The following VWC2L variants were observed in gnomAD, a reference collection of about 807,000 sequenced individuals.
VWC2L encodes von Willebrand factor C domain-containing protein 2-like.
VWC2L carries 10 observed loss-of-function variants against 21.6 expected under a neutral mutation model. The ratio of observed to expected loss-of-function variants is 0.46; its 90% CI spans 0.29 to 0.78. The LOEUF (loss-of-function observed/expected upper bound fraction) is 0.78. VWC2L is among the 30% of genes least tolerant of loss of function. The pLI is 0.10. For missense variants in VWC2L, 209 were observed against 277.1 expected (o/e 0.75, Z 1.74); for synonymous variants, 96 against 94.3 (o/e 1.02, Z -0.10).
chr2:214,445,880 A>C (rs867796960), intron 3 of VWC2L, among the ~76,000 whole-genome samples: 1 of 152,140 alleles, frequency 6.6e-6, no homozygotes, highest in African/African-American at 2.4e-5. Context: ...TTTGTACTCT[A>C]TCAACTAATT....
intron 2 of VWC2L, among the ~76,000 whole-genome samples, chr2:214,416,597 T>A (rs976655051): frequency 6.6e-6 from 1 of 152,078 alleles, no homozygotes; most frequent in Non-Finnish European, 1.5e-5. Flanking sequence ...AATTGTCAAG[T>A]TATTTATCTT....
At chr2:214,474,634 G>A (rs1485242038) in intron 3 of VWC2L, among the ~76,000 whole-genome samples, 2 of 152,080 alleles carry the variant, frequency 1.3e-5, no homozygotes, top group Non-Finnish European at 2.9e-5. Context: ...GTGGCTTTGA[G>A]CAGGGCCTGT....
chr2:214,572,854 C>A (rs1690172655), intron 3 of VWC2L, among the ~76,000 whole-genome samples: 1 of 152,088 alleles, frequency 6.6e-6, no homozygotes, highest in South Asian at 2.1e-4. Flanking sequence ...TACCTCTGGC[C>A]ATCAGGTAGA....
intron 3 of VWC2L, among the ~76,000 whole-genome samples, chr2:214,501,032 G>C (rs762905139): frequency 5.9e-5 from 9 of 152,280 alleles, no homozygotes; most frequent in South Asian, 2.1e-4. Flanking sequence ...CACAGTAGCA[G>C]ACAGAAGCAA....
intron 3 of VWC2L, among the ~76,000 whole-genome samples, chr2:214,459,338 A>G (rs2126187858): frequency 6.6e-6 from 1 of 152,322 alleles, no homozygotes; most frequent in South Asian, 2.1e-4. Context: ...GGCAGCACAT[A>G]GTCTGATCAC....
intron 3 of VWC2L, among the ~76,000 whole-genome samples, chr2:214,515,859 G>A (rs1241985958): frequency 6.6e-6 from 1 of 152,164 alleles, no homozygotes. Context: ...ATTACAGTGA[G>A]CCACCGTGCC....
chr2:214,480,864 C>CAAAAA lies in VWC2L; in HGVS notation c.520+44126_520+44130dup, dbSNP rs59720596. On this transcript the variant is annotated intron_variant, in intron 3 of 3. Transcript: ENST00000312504. ...TTATTCAGAGGTCCATATGCCAAGC[C>CAAAAA]AAAAAAAAAAAAAAAAAAAAAAAAG... Among the ~76,000 whole-genome samples, 223 of 71,692 alleles carry CAAAAA rather than the reference C, an allele frequency of 3.1e-3. 3 individuals are homozygous for CAAAAA. Among genetic ancestry groups the CAAAAA allele is most frequent in the African/African-American group, 0.011 (206 of 18,384 alleles). 47.0% of individuals were successfully genotyped at this position (71,692 alleles called of 152,430 possible). A position where few individuals can be genotyped will look rare whatever the true frequency, so the allele number is the denominator to read the frequency against.
At chr2:214,462,487 G>A (rs765089901) in intron 3 of VWC2L, among the ~76,000 whole-genome samples, 2 of 152,226 alleles carry the variant, frequency 1.3e-5, no homozygotes, top group East Asian at 1.9e-4. Context: ...TTGCAGTATC[G>A]GTTCTTTGTG....
chr2:214,463,641 T>C (rs1703174166), intron 3 of VWC2L, among the ~76,000 whole-genome samples: 1 of 152,132 alleles, frequency 6.6e-6, no homozygotes, highest in African/African-American at 2.4e-5. Context: ...TTTAAAAAAT[T>C]AACTGAATAT....
At chr2:214,510,483 GACAAGGT>G (rs949726960) in intron 3 of VWC2L, among the ~76,000 whole-genome samples, 5 of 152,046 alleles carry the variant, frequency 3.3e-5, no homozygotes, top group African/African-American at 1.2e-4. Context: ...GTGAAAAACC[GACAAGGT>G]ACTTTGTGGT....
chr2:214,450,160 T>C (rs2126184231), intron 3 of VWC2L, among the ~76,000 whole-genome samples: 1 of 152,254 alleles, frequency 6.6e-6, no homozygotes, highest in East Asian at 1.9e-4. Context: ...AAGATGACAA[T>C]GACAAGGAAC....
chr2:214,423,704 T>A (rs1296245290), intron 2 of VWC2L, among the ~76,000 whole-genome samples: 6 of 152,106 alleles, frequency 3.9e-5, no homozygotes, highest in Non-Finnish European at 8.8e-5. Flanking sequence ...CCAAAGGCTG[T>A]AATAAAAATG....
At chr2:214,491,698 G>C (rs541458631) in intron 3 of VWC2L, among the ~76,000 whole-genome samples, 3 of 152,082 alleles carry the variant, frequency 2.0e-5, no homozygotes, top group African/African-American at 7.2e-5. Flanking sequence ...TAGAAGAAAG[G>C]AGAGAACACT....
At chr2:214,538,581 G>A (rs946254183) in intron 3 of VWC2L, among the ~76,000 whole-genome samples, 4 of 127,062 alleles carry the variant, frequency 3.1e-5, no homozygotes, top group Non-Finnish European at 6.6e-5. Context: ...GATTCTCCAA[G>A]TTTATAGTAT....
chr2:214,517,482 A>C (rs1249369764), intron 3 of VWC2L, among the ~76,000 whole-genome samples: 1 of 152,158 alleles, frequency 6.6e-6, no homozygotes, highest in East Asian at 1.9e-4. Context: ...AAGTAAATTA[A>C]CATCTCTAGG....
intron 3 of VWC2L, chr2:214,472,365 TACA>T (rs1187074266): frequency 6.6e-6 from 1 of 152,170 alleles, no homozygotes; most frequent in Non-Finnish European, 1.5e-5. Flanking sequence ...GTGTCAAAAC[TACA>T]ACATTTTTCA....
intron 3 of VWC2L, among the ~76,000 whole-genome samples, chr2:214,483,844 G>C (rs1486457985): frequency 6.6e-6 from 1 of 152,108 alleles, no homozygotes; most frequent in Non-Finnish European, 1.5e-5. Context: ...GGATTGGATT[G>C]GTTTTCTAGG....
At chr2:214,539,346 C>A (rs2105920149) in intron 3 of VWC2L, among the ~76,000 whole-genome samples, 1 of 152,230 alleles carries the variant, frequency 6.6e-6, no homozygotes, top group East Asian at 1.9e-4. Context: ...GATTTCATTC[C>A]TTTTTCCAAA....
chr2:214,436,774 A>C lies in VWC2L; in HGVS notation c.520+16A>C. 6.2e-7 allele frequency: 1 copy of C among 1,612,548 alleles called. No homozygotes were observed. Among genetic ancestry groups the C allele is most frequent in the Non-Finnish European group, 8.5e-7 (1 of 1,178,878 alleles). Reference sequence around the variant, plus strand: ...TGCAAAAATGGTAAGACCACACTGCATTAGCTTTTGAAGAGGGGTTCGCAC... The same window carrying C: ...TGCAAAAATGGTAAGACCACACTGCCTTAGCTTTTGAAGAGGGGTTCGCAC... On this transcript the variant is annotated intron_variant, in intron 3 of 3. Coordinates refer to ENST00000312504, the MANE Select transcript of VWC2L (RefSeq NM_001080500.4).
Sources: gnomAD v4.1 joint callset for allele counts (sites outside exome capture counted in the v4.1 genomes callset) on GRCh38, gnomAD v4.1.1 for gene constraint, MANE v1.5 for transcripts, NCBI Gene and HGNC (gene_info 2026-07-23, HGNC 2026-07-21) for gene names.